The following MGAT4C variants were observed in gnomAD, a reference collection of about 807,000 sequenced individuals.
The protein encoded by MGAT4C is alpha-1,3-mannosyl-glycoprotein 4-beta-N-acetylglucosaminyltransferase C.
In MGAT4C, 19 loss-of-function variants were observed where a neutral mutation model predicts 40.1. That is an observed-to-expected ratio of 0.47 (90% CI 0.33 to 0.70). The LOEUF is 0.70. MGAT4C is among the 30% of genes least tolerant of loss of function. The probability of loss-of-function intolerance (pLI) is 0.02; values close to 1 mark genes in which losing one functional copy is unlikely to be tolerated. For missense variants in MGAT4C, 491 were observed against 563.2 expected (o/e 0.87, Z 1.30); for synonymous variants, 181 against 187.1 (o/e 0.97, Z 0.27).
chr12:86,589,672 C>T (rs1248924883), intron 2 of MGAT4C, among the ~76,000 whole-genome samples: 2 of 151,890 alleles, frequency 1.3e-5, no homozygotes, highest in African/African-American at 2.4e-5. Context: ...ACTGGCAAAC[C>T]GAATCCAGCA....
At chr12:86,379,869 G>C (rs1264871761) in intron 3 of MGAT4C, among the ~76,000 whole-genome samples, 1 of 151,852 alleles carries the variant, frequency 6.6e-6, no homozygotes, top group East Asian at 1.9e-4. Context: ...TCTTGTTAAA[G>C]GTATTCATCT....
intron 3 of MGAT4C, among the ~76,000 whole-genome samples, chr12:86,388,342 C>T (rs1038635142): frequency 6.6e-6 from 1 of 151,978 alleles, no homozygotes; most frequent in Non-Finnish European, 1.5e-5. Flanking sequence ...AAAGGAAATG[C>T]ATTATAATTT....
At chr12:86,482,566 T>C (rs1957955253) in intron 2 of MGAT4C, among the ~76,000 whole-genome samples, 1 of 152,090 alleles carries the variant, frequency 6.6e-6, no homozygotes, top group African/African-American at 2.4e-5. Flanking sequence ...TATATGTTGT[T>C]GAACAGAATT....
chr12:86,557,958 A>T (rs1017703655), intron 2 of MGAT4C, among the ~76,000 whole-genome samples: 1 of 152,106 alleles, frequency 6.6e-6, no homozygotes, highest in African/African-American at 2.4e-5. Flanking sequence ...CAGATAAACC[A>T]TACAAAGAAA....
chr12:86,173,876 T>C (rs1417966989), intron 1 of MGAT4C, among the ~76,000 whole-genome samples: 1 of 152,098 alleles, frequency 6.6e-6, no homozygotes, highest in Non-Finnish European at 1.5e-5. Context: ...TCTAGAATTG[T>C]ATTGGGTTTT....
intron 1 of MGAT4C, among the ~76,000 whole-genome samples, chr12:86,059,146 G>A (rs2136995774): frequency 6.6e-6 from 1 of 152,176 alleles, no homozygotes; most frequent in African/African-American, 2.4e-5. Context: ...CCAGGTTCAG[G>A]CAATTCTTGT....
chr12:86,221,212 T>C (rs1206714710), intron 1 of MGAT4C, among the ~76,000 whole-genome samples: 1 of 152,090 alleles, frequency 6.6e-6, no homozygotes, highest in African/African-American at 2.4e-5. Flanking sequence ...TGGGGGCTTC[T>C]GTTAAGGAGT....
intron 2 of MGAT4C, among the ~76,000 whole-genome samples, chr12:86,003,393 C>A (rs115128326): frequency 6.6e-6 from 1 of 151,988 alleles, no homozygotes; most frequent in East Asian, 1.9e-4. Flanking sequence ...ATTATCAGTT[C>A]GACCTTAGAA....
At chr12:86,288,042 C>T (rs978264011) in intron 4 of MGAT4C, among the ~76,000 whole-genome samples, 3 of 152,186 alleles carry the variant, frequency 2.0e-5, no homozygotes, top group African/African-American at 7.2e-5. Context: ...GATCACTATT[C>T]TAACTGGCAT....
At chr12:86,305,818 C>T (rs1367977406) in intron 4 of MGAT4C, among the ~76,000 whole-genome samples, 1 of 150,034 alleles carries the variant, frequency 6.7e-6, no homozygotes, top group Non-Finnish European at 1.5e-5. Flanking sequence ...GTATTGTTAT[C>T]TTTTATTGTT....
intron 1 of MGAT4C, among the ~76,000 whole-genome samples, chr12:86,824,196 G>A (rs962695053): frequency 6.6e-6 from 1 of 151,302 alleles, no homozygotes; most frequent in African/African-American, 2.4e-5. Flanking sequence ...ATATTACAGT[G>A]CATGTGTTCA....
At chr12:86,762,249 C>T (rs80083346) in intron 1 of MGAT4C, among the ~76,000 whole-genome samples, 57 of 152,068 alleles carry the variant, frequency 3.7e-4, no homozygotes, top group Admixed American at 8.5e-4. Context: ...TGGGGTTTCA[C>T]TATGTTTCCC....
At chr12:86,199,031 C>G (rs1482923367) in intron 1 of MGAT4C, among the ~76,000 whole-genome samples, 1 of 152,152 alleles carries the variant, frequency 6.6e-6, no homozygotes, top group East Asian at 1.9e-4. Context: ...TAGCGTTACT[C>G]ATAATGGTTA....
At chr12:86,348,101 C>G (rs989666623) in intron 3 of MGAT4C, among the ~76,000 whole-genome samples, 1 of 152,070 alleles carries the variant, frequency 6.6e-6, no homozygotes, top group Non-Finnish European at 1.5e-5. Context: ...AACCTTGGAT[C>G]AATAAAATAT....
intron 2 of MGAT4C, among the ~76,000 whole-genome samples, chr12:86,685,375 G>A (rs972540333): frequency 1.3e-5 from 2 of 152,072 alleles, no homozygotes; most frequent in Non-Finnish European, 2.9e-5. Flanking sequence ...TGAGGCCTCC[G>A]TTCTGTTCCA....
At chr12:86,597,762 A>G (rs1008964049) in intron 2 of MGAT4C, among the ~76,000 whole-genome samples, 3 of 151,960 alleles carry the variant, frequency 2.0e-5, no homozygotes, top group African/African-American at 2.4e-5. Context: ...CTCTCAATCA[A>G]TCACCCCAAT....
Position 86,203,973 on chromosome 12 carries a change from G to T in MGAT4C, c.-57+52266C>A, listed in dbSNP as rs376235818. 2.4e-5 allele frequency among the ~76,000 whole-genome samples: 3 copies of T among 124,026 alleles called. 1 individual carries two copies. The highest frequency in any genetic ancestry group is 8.4e-5 in the African/African-American group (3 of 35,904). The allele number at this position is 124,026 out of a possible 152,430, so 81.4% of individuals were successfully genotyped here. On this transcript the variant is annotated intron_variant, in intron 1 of 4. Transcript: ENST00000611864. ...ACTTCGTCTCAAAAAAAAAAAAAAA[G>T]AAATATATATATATATATATGCCTT...
intron 1 of MGAT4C, among the ~76,000 whole-genome samples, chr12:86,732,632 G>A (rs1167884960): frequency 1.3e-5 from 2 of 152,040 alleles, no homozygotes; most frequent in Non-Finnish European, 2.9e-5. Flanking sequence ...TCTGACAGGA[G>A]GTGGAGCTCA....
chr12:86,196,758 A>G (rs994006826), intron 1 of MGAT4C, among the ~76,000 whole-genome samples: 1 of 152,208 alleles, frequency 6.6e-6, no homozygotes, highest in African/African-American at 2.4e-5. Context: ...GATTAAATCC[A>G]TAGGTAATCT....
Sources: gnomAD v4.1 joint callset for allele counts (sites outside exome capture counted in the v4.1 genomes callset) on GRCh38, gnomAD v4.1.1 for gene constraint, MANE v1.5 for transcripts, NCBI Gene and HGNC (gene_info 2026-07-23, HGNC 2026-07-21) for gene names.